The following PREX2 variants were observed in gnomAD, a reference collection of about 807,000 sequenced individuals.
PREX2 encodes the protein phosphatidylinositol 3,4,5-trisphosphate-dependent Rac exchanger 2 protein.
Under a neutral mutation model 203.2 loss-of-function variants are expected in PREX2, and 107 were observed. The observed-to-expected ratio is 0.53, with a 90% CI of 0.45 to 0.62. The LOEUF (loss-of-function observed/expected upper bound fraction) is 0.62, where lower values mean the gene tolerates loss of function less well. Ranked by LOEUF, PREX2 falls within the 20% of genes least tolerant of loss-of-function variation. The pLI, the probability that PREX2 is intolerant of heterozygous loss-of-function variation, is 0.00. For synonymous variants in PREX2, 672 were observed against 663.6 expected (o/e 1.01, Z -0.19); for missense variants, 1,777 against 1,955.9 (o/e 0.91, Z 1.72).
At chr8:68,014,008 G>A (rs1807341549) in intron 1 of PREX2, among the ~76,000 whole-genome samples, 1 of 152,004 alleles carries the variant, frequency 6.6e-6, no homozygotes, top group Admixed American at 6.6e-5. Context: ...GAAAAGAGTG[G>A]GAAGGGCAAA....
At chr8:68,208,480 A>G (rs545452110) in intron 37 of PREX2, among the ~76,000 whole-genome samples, 1 of 152,170 alleles carries the variant, frequency 6.6e-6, no homozygotes, top group Non-Finnish European at 1.5e-5. Context: ...AATTTGTAAG[A>G]AATTAAATAA....
At chr8:67,969,883 G>A (rs1805876623) in intron 1 of PREX2, among the ~76,000 whole-genome samples, 1 of 152,192 alleles carries the variant, frequency 6.6e-6, no homozygotes, top group Non-Finnish European at 1.5e-5. Flanking sequence ...CAGGTGAAAT[G>A]TGTTGCTACA....
At chr8:68,133,460 A>G (rs982728657) in intron 31 of PREX2, among the ~76,000 whole-genome samples, 1 of 152,222 alleles carries the variant, frequency 6.6e-6, no homozygotes, top group Non-Finnish European at 1.5e-5. Context: ...AAAGAATTAT[A>G]GGAATTCATA....
chr8:68,035,607 T>C (rs1808004637), intron 6 of PREX2, among the ~76,000 whole-genome samples: 1 of 152,094 alleles, frequency 6.6e-6, no homozygotes, highest in African/African-American at 2.4e-5. Flanking sequence ...ATAAATGCAG[T>C]ATAAAGGAAA....
intron 11 of PREX2, 118 bp from the exon 12 acceptor site, chr8:68,068,915 C>T: frequency 2.2e-6 from 1 of 450,244 alleles, no homozygotes; most frequent in Non-Finnish European, 3.9e-6. Flanking sequence ...AAAGCAAATG[C>T]CTTTTGTAAA....
At chr8:68,022,325 G>T (rs934931157) in intron 4 of PREX2, among the ~76,000 whole-genome samples, 185 bp downstream of exon 4, 1 of 152,116 alleles carries the variant, frequency 6.6e-6, no homozygotes, top group African/African-American at 2.4e-5. Flanking sequence ...GTTTGGGGAA[G>T]TACTGCTAAT....
intron 23 of PREX2, among the ~76,000 whole-genome samples, chr8:68,106,903 A>G (rs1446493635): frequency 1.3e-5 from 2 of 152,168 alleles, no homozygotes; most frequent in African/African-American, 4.8e-5. Flanking sequence ...GCCTAACATC[A>G]TATCAGTTAT....
At chr8:68,025,975 A>T (rs145605409) in intron 4 of PREX2, among the ~76,000 whole-genome samples, 1 of 152,262 alleles carries the variant, frequency 6.6e-6, no homozygotes, top group Non-Finnish European at 1.5e-5. Context: ...AGATGCTAAC[A>T]TACTGGAATG....
intron 33 of PREX2, 52 bp from the exon 34 acceptor site, chr8:68,146,157 A>G (rs1811322159): frequency 1.5e-6 from 2 of 1,290,358 alleles, no homozygotes; most frequent in South Asian, 2.6e-5. Context: ...CAAAAGTACC[A>G]TCTAGCATAT....
Position 68,233,087 on chromosome 8 carries a change from C to T in PREX2, c.*1709C>T, listed in dbSNP as rs954777421. On this transcript the variant is annotated 3_prime_UTR_variant, in exon 40 of 40. Coordinates refer to ENST00000288368, the MANE Select transcript of PREX2 (RefSeq NM_024870.4). ...ATAATTGTTATTTGGCACAGAAGCT[C>T]TAGAGACTTTTGTGAGAAGTCCATA... is the stretch of plus-strand genomic sequence containing the variant. 2.2e-4 allele frequency: 33 copies of T among 152,214 alleles called. No individual in the cohort carries two copies. The highest frequency in any genetic ancestry group is 7.5e-4 in the African/African-American group (31 of 41,520). 9.4% of individuals were successfully genotyped at this position (152,214 alleles called of 1,614,324 possible).
intron 1 of PREX2, among the ~76,000 whole-genome samples, chr8:68,011,210 T>C (rs1807248506): frequency 6.6e-6 from 1 of 152,170 alleles, no homozygotes; most frequent in Non-Finnish European, 1.5e-5. Flanking sequence ...TTAAGTATTT[T>C]TGTTTTAGCT....
At chr8:68,087,651 G>T in intron 18 of PREX2, 73 bp from the exon 19 acceptor site, 1 of 1,053,380 alleles carries the variant, frequency 9.5e-7, no homozygotes, top group Non-Finnish European at 1.5e-6. Flanking sequence ...GAGGTGTAAA[G>T]CTGTACACGA....
chr8:68,115,912 C>T lies in PREX2; in HGVS notation c.3306C>T (p.Ile1102=). ...DEQEDSGHDT[I]SNRDSYSDCN... The stretch of plus-strand genomic sequence containing the variant: ...AGGAAGATTCTGGTCATGACACCAT[C>T]AGCAACAGAGACTCTTACAGGTAAT... Residue 1102 remains isoleucine (I), a synonymous_variant, in exon 26 of 40, where the codon ATC becomes ATT. Transcript: ENST00000288368. 1 of 1,611,738 alleles carries T rather than the reference C, an allele frequency of 6.2e-7. No homozygotes were observed. The highest frequency in any genetic ancestry group is 1.7e-4 in the Middle Eastern group (1 of 6,046).
chr8:68,045,266 T>C (rs945162682), intron 8 of PREX2, among the ~76,000 whole-genome samples: 3 of 152,044 alleles, frequency 2.0e-5, no homozygotes, highest in Admixed American at 2.0e-4. Flanking sequence ...CTTAGTAAAG[T>C]GAATTCCATT....
intron 7 of PREX2, among the ~76,000 whole-genome samples, chr8:68,038,937 C>G (rs1368189875): frequency 2.0e-5 from 3 of 152,148 alleles, no homozygotes; most frequent in African/African-American, 7.2e-5. Context: ...GTCCTAGGGC[C>G]ATACTTTTAC....
intron 1 of PREX2, among the ~76,000 whole-genome samples, chr8:67,954,634 G>C (rs1003913081): frequency 1.3e-5 from 2 of 152,168 alleles, no homozygotes; most frequent in Non-Finnish European, 2.9e-5. Flanking sequence ...TATTAAATAA[G>C]TCGAGTGGTA....
At chr8:68,042,865 A>G (rs1242641976) in intron 7 of PREX2, among the ~76,000 whole-genome samples, 1 of 152,024 alleles carries the variant, frequency 6.6e-6, no homozygotes, top group Admixed American at 6.6e-5. Flanking sequence ...AATATACAAA[A>G]CCCATACAGA....
chr8:68,061,659 T>C (rs975262860), intron 11 of PREX2, among the ~76,000 whole-genome samples: 4 of 152,198 alleles, frequency 2.6e-5, no homozygotes, highest in African/African-American at 9.6e-5. Flanking sequence ...CCTTCTTCTC[T>C]GAATGACTGA....
intron 1 of PREX2, among the ~76,000 whole-genome samples, chr8:67,972,543 CCCCGTGACTATCTTT>C (rs1206107545): frequency 6.6e-6 from 1 of 152,166 alleles, no homozygotes; most frequent in Non-Finnish European, 1.5e-5. Flanking sequence ...CCTGAAGGTT[CCCCGTGACTATCTTT>C]TAACCATACC....
Sources: gnomAD v4.1 joint callset for allele counts (sites outside exome capture counted in the v4.1 genomes callset) on GRCh38, gnomAD v4.1.1 for gene constraint, MANE v1.5 for transcripts, NCBI Gene and HGNC (gene_info 2026-07-23, HGNC 2026-07-21) for gene names.